C8orf34: variants seen among roughly 807,000 people sequenced by gnomAD.
C8orf34 encodes the protein uncharacterized protein C8orf34.
In C8orf34, 65 loss-of-function variants were observed where a neutral mutation model predicts 68.3. The observed-to-expected ratio is 0.95, with a 90% CI of 0.78 to 1.17. The LOEUF is 1.17. Among genes scored for constraint, C8orf34 ranks in the 50% most tolerant of loss-of-function variants. The pLI is 0.00. For synonymous variants in C8orf34, 244 were observed against 241.2 expected, an observed-to-expected ratio of 1.01 and a Z score of -0.11; for missense variants, 664 against 655.4, an observed-to-expected ratio of 1.01 and a Z score of -0.14.
intron 7 of C8orf34, 120 bp from the exon 8 acceptor site, chr8:68,640,256 C>T: frequency 1.2e-6 from 1 of 833,126 alleles, no homozygotes; most frequent in Non-Finnish European, 1.8e-6. Flanking sequence ...TAGATTTTTG[C>T]AAAGGGGATA....
intron 7 of C8orf34, among the ~76,000 whole-genome samples, chr8:68,595,367 A>G (rs1817514277): frequency 6.6e-6 from 1 of 152,082 alleles, no homozygotes; most frequent in South Asian, 2.1e-4. Context: ...GCATTAAGGC[A>G]GTGATGAATA....
chr8:68,763,134 CA>C (rs1823068861), intron 10 of C8orf34, among the ~76,000 whole-genome samples: 1 of 152,056 alleles, frequency 6.6e-6, no homozygotes, highest in Non-Finnish European at 1.5e-5. Flanking sequence ...GTTCATGCTA[CA>C]ATAGTCTTGG....
intron 1 of C8orf34, among the ~76,000 whole-genome samples, chr8:68,436,216 A>G (rs1810659759): frequency 6.6e-6 from 1 of 152,174 alleles, no homozygotes; most frequent in African/African-American, 2.4e-5. Context: ...TCCCTATCAA[A>G]AAAAAGAAAA....
chr8:68,727,452 C>A (rs1307758795), intron 10 of C8orf34, among the ~76,000 whole-genome samples: 2 of 152,176 alleles, frequency 1.3e-5, no homozygotes, highest in Admixed American at 6.5e-5. Context: ...GTGGATCTAC[C>A]ATGCTCGGAT....
intron 1 of C8orf34, among the ~76,000 whole-genome samples, chr8:68,342,435 A>G (rs1293963275): frequency 6.6e-6 from 1 of 152,340 alleles, no homozygotes; most frequent in Middle Eastern, 3.4e-3. Context: ...TTCAAAGCAC[A>G]CATCTAACAA....
At chr8:68,641,293 C>T (rs1015172158) in intron 8 of C8orf34, among the ~76,000 whole-genome samples, 3 of 152,150 alleles carry the variant, frequency 2.0e-5, no homozygotes, top group African/African-American at 4.8e-5. Flanking sequence ...GGGAGGAAAG[C>T]GTAGGAAAAT....
Position 68,818,243 on chromosome 8 carries a change from GTGAAA to G in C8orf34, c.1615_*2del, listed in dbSNP as rs1409757851. ...TGTTTCATTTCTCCTCTGCAGGTTTGTGAAACAGAGAGAAGAAGTTGCAAGTGGTC... is the reference window on the plus strand; with the variant it reads ...TGTTTCATTTCTCCTCTGCAGGTTTGCAGAGAGAAGAAGTTGCAAGTGGTC... On this transcript the variant is annotated stop_lost and 3_prime_UTR_variant, in exon 14 of 14. Coordinates refer to ENST00000518698, the MANE Select transcript of C8orf34 (RefSeq NM_052958.4). 5.0e-6 allele frequency: 8 copies of G among 1,612,372 alleles called. No individual in the cohort carries two copies. The highest frequency in any genetic ancestry group is 6.8e-6 in the Non-Finnish European group (8 of 1,179,228).
intron 8 of C8orf34, among the ~76,000 whole-genome samples, chr8:68,646,088 T>C (rs1819162987): frequency 6.6e-6 from 1 of 152,186 alleles, no homozygotes; most frequent in African/African-American, 2.4e-5. Flanking sequence ...TTTTAGTTAA[T>C]ACATCTGTTA....
chr8:68,648,549 T>G (rs1425653555), intron 8 of C8orf34, among the ~76,000 whole-genome samples: 1 of 152,210 alleles, frequency 6.6e-6, no homozygotes, highest in African/African-American at 2.4e-5. Flanking sequence ...CGTGGACTCA[T>G]GCCAGGGCAT....
At chr8:68,353,915 G>A (rs942628060) in intron 1 of C8orf34, among the ~76,000 whole-genome samples, 3 of 151,812 alleles carry the variant, frequency 2.0e-5, no homozygotes, top group African/African-American at 7.3e-5. Flanking sequence ...TAAGGAACTT[G>A]AGATCTGTGG....
intron 3 of C8orf34, among the ~76,000 whole-genome samples, chr8:68,456,981 T>C (rs1811581192): frequency 6.6e-6 from 1 of 152,224 alleles, no homozygotes; most frequent in Admixed American, 6.5e-5. Context: ...TGTCTATCAA[T>C]ATTCTGTGCA....
intron 8 of C8orf34, among the ~76,000 whole-genome samples, chr8:68,693,506 T>C (rs950809686): frequency 6.6e-6 from 1 of 152,134 alleles, no homozygotes; most frequent in Non-Finnish European, 1.5e-5. Flanking sequence ...AAGTTTCTTG[T>C]GCATGAGAGG....
chr8:68,641,227 T>C (rs749608443), intron 8 of C8orf34, among the ~76,000 whole-genome samples: 8 of 152,206 alleles, frequency 5.3e-5, no homozygotes, highest in Non-Finnish European at 8.8e-5. Context: ...CTTTTCTTTA[T>C]GTCTAGCTGC....
chr8:68,486,529 T>G (rs561708982), intron 4 of C8orf34, among the ~76,000 whole-genome samples: 1 of 152,196 alleles, frequency 6.6e-6, no homozygotes, highest in Non-Finnish European at 1.5e-5. Context: ...AAGCCCCAAA[T>G]GTACCTGTGT....
chr8:68,403,238 C>T (rs1477409381), intron 1 of C8orf34, among the ~76,000 whole-genome samples: 2 of 151,860 alleles, frequency 1.3e-5, no homozygotes, highest in Non-Finnish European at 2.9e-5. Context: ...GCAGTGATTC[C>T]TGTGTCATGC....
In C8orf34 at chr8:68,556,535, C is replaced by T. The variant is rs548106322; in HGVS notation, c.1105+23386C>T. Among the ~76,000 whole-genome samples the T allele has an allele frequency of 3.2e-4, 48 of 152,054 alleles. No homozygotes were observed. In the South Asian group the frequency reaches 7.7e-3, roughly 24 times the overall value. On this transcript the variant is annotated intron_variant, in intron 7 of 13. Coordinates refer to ENST00000518698, the MANE Select transcript of C8orf34 (RefSeq NM_052958.4). Reference sequence around the variant, plus strand: ...AGCTTGTTTTGAAGACTGTATGTAGCGCACAAGTCAGGAGGCATAGCCTGA... The same window carrying T: ...AGCTTGTTTTGAAGACTGTATGTAGTGCACAAGTCAGGAGGCATAGCCTGA...
chr8:68,725,467 A>G (rs1428105523), intron 10 of C8orf34, among the ~76,000 whole-genome samples: 1 of 152,216 alleles, frequency 6.6e-6, no homozygotes, highest in East Asian at 1.9e-4. Flanking sequence ...TGCTTTTGGT[A>G]TATTATCCTC....
At chr8:68,498,578 T>C (rs1393041252) in intron 5 of C8orf34, among the ~76,000 whole-genome samples, 1 of 152,152 alleles carries the variant, frequency 6.6e-6, no homozygotes, top group Non-Finnish European at 1.5e-5. Context: ...AGTGCTGATA[T>C]AATTATAATG....
chr8:68,612,882 G>A (rs970670296), intron 7 of C8orf34, among the ~76,000 whole-genome samples: 2 of 152,040 alleles, frequency 1.3e-5, no homozygotes, highest in Admixed American at 6.6e-5. Context: ...TAATAACAGT[G>A]ATAAATGATA....
Sources: allele counts gnomAD v4.1 joint callset (sites outside exome capture counted in the v4.1 genomes callset), GRCh38; gene constraint gnomAD v4.1.1; transcripts MANE v1.5; gene names NCBI Gene and HGNC (gene_info 2026-07-23, HGNC 2026-07-21).